DISC1: variants seen among roughly 807,000 people sequenced by gnomAD.
DISC1 encodes the protein DISC1 scaffold protein.
In DISC1, 57 loss-of-function variants were observed where a neutral mutation model predicts 84.5. The ratio of observed to expected loss-of-function variants is 0.67; its 90% confidence interval spans 0.55 to 0.84. The LOEUF (loss-of-function observed/expected upper bound fraction) is 0.84. Among genes scored for constraint, DISC1 ranks in the 40% least tolerant of loss-of-function variants. The pLI is 0.00. For missense variants in DISC1, 1,000 were observed against 1,057.8 expected (o/e 0.95, Z 0.76); for synonymous variants, 411 against 415.2 (o/e 0.99, Z 0.12).
chr1:231,971,261 T>G (rs1306346416), intron 10 of DISC1, among the ~76,000 whole-genome samples: 7 of 152,198 alleles, frequency 4.6e-5, no homozygotes. Context: ...TGTCATTAAT[T>G]AAATGAGAAG....
At chr1:231,759,876 A>G (rs2075501953) in intron 4 of DISC1, among the ~76,000 whole-genome samples, 1 of 152,136 alleles carries the variant, frequency 6.6e-6, no homozygotes, top group East Asian at 1.9e-4. Context: ...AGAAAGGACA[A>G]GGGGGGAAAC....
At position 231,694,028 on chromosome 1, in the gene DISC1, G is replaced by T; in HGVS notation, c.270G>T (p.Ser90=). ...ESRARQCGLD[S]RGLLVRSPVS... is the part of the protein sequence containing the mutation. Reference sequence around the variant, plus strand: ...GGGCCAGACAGTGTGGCCTTGACTCGAGAGGCCTCTTGGTCCGGAGCCCTG... The same window carrying T: ...GGGCCAGACAGTGTGGCCTTGACTCTAGAGGCCTCTTGGTCCGGAGCCCTG... The change falls in exon 2 of 13, where the codon TCG becomes TCT. Residue 90 remains serine (S), a synonymous_variant. Coordinates refer to ENST00000439617, the MANE Select transcript of DISC1 (RefSeq NM_018662.3). 1 of 1,614,152 alleles carries T rather than the reference G, an allele frequency of 6.2e-7. No individual in the cohort carries two copies. Among genetic ancestry groups the T allele is most frequent in the African/African-American group, 1.3e-5 (1 of 75,052 alleles).
chr1:231,668,711 G>A (rs1289679500), intron 1 of DISC1, among the ~76,000 whole-genome samples: 3 of 152,180 alleles, frequency 2.0e-5, no homozygotes, highest in Non-Finnish European at 4.4e-5. Flanking sequence ...TATGGGGAGT[G>A]ATTTTCATAT....
At chr1:231,759,638 TG>T (rs1227311971) in intron 4 of DISC1, among the ~76,000 whole-genome samples, 28 of 151,960 alleles carry the variant, frequency 1.8e-4, no homozygotes, top group African/African-American at 5.8e-4. Flanking sequence ...CTCAGGAATT[TG>T]GGGCTGTAGC....
At chr1:232,024,586 TC>T (rs1669273205) in intron 11 of DISC1, among the ~76,000 whole-genome samples, 1 of 152,114 alleles carries the variant, frequency 6.6e-6, no homozygotes, top group African/African-American at 2.4e-5. Flanking sequence ...CTTAATAGTT[TC>T]CCTTATGCAA....
chr1:231,976,634 C>CTTTTA (rs1210515211), intron 10 of DISC1, among the ~76,000 whole-genome samples: 1 of 152,190 alleles, frequency 6.6e-6, no homozygotes, highest in Non-Finnish European at 1.5e-5. Context: ...TGGGATAGAG[C>CTTTTA]TTTTATAACC....
chr1:231,672,289 G>C (rs977163332), intron 1 of DISC1, among the ~76,000 whole-genome samples: 1 of 152,094 alleles, frequency 6.6e-6, no homozygotes, highest in African/African-American at 2.4e-5. Flanking sequence ...TTTGACCTCA[G>C]TTGGGGACAT....
At chr1:231,892,663 G>A (rs987668397) in intron 9 of DISC1, among the ~76,000 whole-genome samples, 1 of 145,878 alleles carries the variant, frequency 6.9e-6, no homozygotes, top group African/African-American at 2.6e-5. Flanking sequence ...TATAAAAACA[G>A]GCAATTATAA....
intron 9 of DISC1, among the ~76,000 whole-genome samples, chr1:231,889,828 G>A: frequency 6.6e-6 from 1 of 152,014 alleles, no homozygotes; most frequent in East Asian, 1.9e-4. Context: ...AGACGACACT[G>A]TGTGAGCGGA....
intron 11 of DISC1, among the ~76,000 whole-genome samples, chr1:232,016,607 G>T (rs967258925): frequency 1.3e-5 from 2 of 152,160 alleles, no homozygotes; most frequent in African/African-American, 4.8e-5. Flanking sequence ...TTCAAAGGTT[G>T]CCCTTCAAGT....
At chr1:231,691,572 T>C (rs16854779) in intron 1 of DISC1, among the ~76,000 whole-genome samples, 57,301 of 152,216 alleles carry the variant, frequency 0.38, 11,139 homozygotes, top group African/African-American at 0.47. Context: ...GTTATCTGGA[T>C]GACTGGTATT....
intron 3 of DISC1, among the ~76,000 whole-genome samples, chr1:231,729,709 GTT>G (rs368321722): frequency 7.2e-5 from 10 of 139,016 alleles, no homozygotes; most frequent in Admixed American, 7.3e-5. Context: ...ATCCTCTAGG[GTT>G]TTTTTTTTTT....
intron 4 of DISC1, among the ~76,000 whole-genome samples, chr1:231,757,891 C>T (rs767192620): frequency 9.2e-5 from 14 of 152,020 alleles, no homozygotes; most frequent in East Asian, 5.8e-4. Flanking sequence ...GGCCTCCCTC[C>T]GATTCCCTCC....
chr1:231,693,691 C>A, intron 1 of DISC1, 135 bp from the exon 2 acceptor site: 1 of 1,346,922 alleles, frequency 7.4e-7, no homozygotes, highest in Non-Finnish European at 1.0e-6. Flanking sequence ...GGCCCTGGGA[C>A]CACTGAGCCA....
chr1:231,654,295 A>G (rs187890664), intron 1 of DISC1, among the ~76,000 whole-genome samples: 362 of 151,348 alleles, frequency 2.4e-3, no homozygotes, highest in South Asian at 3.4e-3. Flanking sequence ...ATTTATGTCA[A>G]AAATTTGATA....
intron 9 of DISC1, among the ~76,000 whole-genome samples, chr1:231,936,740 A>G (rs1250184187): frequency 1.3e-5 from 2 of 152,172 alleles, no homozygotes; most frequent in African/African-American, 4.8e-5. Context: ...CTGAATCTCA[A>G]TACCTGTAAT....
intron 9 of DISC1, among the ~76,000 whole-genome samples, chr1:231,857,778 G>A (rs2084369848): frequency 6.6e-6 from 1 of 152,230 alleles, no homozygotes; most frequent in African/African-American, 2.4e-5. Context: ...GGGCCACACT[G>A]AGAAAGAATG....
At chr1:231,935,777 G>A (rs890033108) in intron 9 of DISC1, among the ~76,000 whole-genome samples, 3 of 152,178 alleles carry the variant, frequency 2.0e-5, no homozygotes, top group Admixed American at 2.0e-4. Flanking sequence ...TATAAATGTG[G>A]ACGTGCACAA....
At position 231,722,560 on chromosome 1, in the gene DISC1, C is replaced by T. The variant is rs2069945369; in HGVS notation, c.1117+20536C>T. On this transcript the variant is annotated intron_variant, in intron 3 of 12. Coordinates refer to ENST00000439617, the MANE Select transcript of DISC1 (RefSeq NM_018662.3). ...GCAGCTGGAACCAATTGCTTTGGAT[C>T]CACCATGGAAGCCTCGACATCCTGA... 6 of 1,614,168 alleles carry T rather than the reference C, an allele frequency of 3.7e-6. No homozygotes were observed. The African/African-American group carries it at 6.7e-5, about 18-fold the overall frequency.
Sources: gnomAD v4.1 joint callset for allele counts (sites outside exome capture counted in the v4.1 genomes callset) on GRCh38, gnomAD v4.1.1 for gene constraint, MANE v1.5 for transcripts, NCBI Gene and HGNC (gene_info 2026-07-23, HGNC 2026-07-21) for gene names.